PDE7A: variants seen among roughly 807,000 people sequenced by gnomAD.
PDE7A encodes the protein high affinity 3',5'-cyclic-AMP phosphodiesterase 7A.
PDE7A carries 39 observed loss-of-function variants against 64.3 expected under a neutral mutation model. That is an observed-to-expected ratio of 0.61 (90% confidence interval 0.47 to 0.79). PDE7A has a LOEUF of 0.79. Among genes scored for constraint, PDE7A ranks in the 30% least tolerant of loss-of-function variants. The probability of loss-of-function intolerance (pLI) is 0.00; values close to 1 mark genes in which losing one functional copy is unlikely to be tolerated. For missense variants in PDE7A, 470 were observed against 582.8 expected, an observed-to-expected ratio of 0.81 and a Z score of 1.99; for synonymous variants, 203 against 206.8, an observed-to-expected ratio of 0.98 and a Z score of 0.16.
At chr8:65,777,505 GATA>G (rs990751866) in intron 3 of PDE7A, among the ~76,000 whole-genome samples, 1 of 152,084 alleles carries the variant, frequency 6.6e-6, no homozygotes, top group African/African-American at 2.4e-5. Context: ...GATATAATTT[GATA>G]ATATGTTATT....
At chr8:65,747,280 C>T (rs974441984) in intron 4 of PDE7A, among the ~76,000 whole-genome samples, 1 of 152,176 alleles carries the variant, frequency 6.6e-6, no homozygotes, top group African/African-American at 2.4e-5. Flanking sequence ...ACAAGTCCCT[C>T]GTGCTCTCTT....
At chr8:65,749,269 C>G (rs1251817677) in intron 3 of PDE7A, among the ~76,000 whole-genome samples, 1 of 152,090 alleles carries the variant, frequency 6.6e-6, no homozygotes, top group East Asian at 1.9e-4. Context: ...AATAGTAATG[C>G]AAAGCATATA....
At chr8:65,825,238 A>AAGCATAC (rs1810642755) in intron 1 of PDE7A, among the ~76,000 whole-genome samples, 1 of 152,216 alleles carries the variant, frequency 6.6e-6, no homozygotes, top group African/African-American at 2.4e-5. Context: ...ATTTTATAAC[A>AAGCATAC]AGCATACATT....
At chr8:65,729,683 C>T (rs1480830819) in intron 7 of PDE7A, among the ~76,000 whole-genome samples, 2 of 151,402 alleles carry the variant, frequency 1.3e-5, no homozygotes, top group Non-Finnish European at 2.9e-5. Context: ...CTTACTCAGG[C>T]TCCTGAGCAG....
intron 12 of PDE7A, chr8:65,720,713 A>T (rs1037735928): frequency 1.3e-5 from 2 of 152,256 alleles, no homozygotes; most frequent in African/African-American, 2.4e-5. Flanking sequence ...AATAAGACAG[A>T]CAAGATCCCT....
At chr8:65,817,347 A>T (rs1336340611) in intron 1 of PDE7A, among the ~76,000 whole-genome samples, 5 of 152,232 alleles carry the variant, frequency 3.3e-5, no homozygotes, top group Admixed American at 3.3e-4. Context: ...TCTATATATA[A>T]CACATTTACA....
intron 1 of PDE7A, among the ~76,000 whole-genome samples, chr8:65,835,563 C>T (rs963791476): frequency 3.9e-5 from 6 of 152,160 alleles, no homozygotes; most frequent in African/African-American, 1.4e-4. Context: ...CAGAAAACAA[C>T]ACAATTCTCT....
intron 6 of PDE7A, among the ~76,000 whole-genome samples, 161 bp from the exon 7 acceptor site, chr8:65,735,055 A>C (rs973944885): frequency 3.3e-5 from 5 of 152,324 alleles, no homozygotes; most frequent in South Asian, 2.1e-4. Flanking sequence ...ACTCACATGT[A>C]TACCAAAAGA....
chr8:65,734,141 T>G (rs1255022220), intron 7 of PDE7A, among the ~76,000 whole-genome samples: 2 of 152,196 alleles, frequency 1.3e-5, no homozygotes, highest in African/African-American at 4.8e-5. Flanking sequence ...GCTCACTGTC[T>G]CTACAAGCCT....
intron 2 of PDE7A, among the ~76,000 whole-genome samples, chr8:65,782,484 C>T (rs372683335): frequency 6.6e-6 from 1 of 152,172 alleles, no homozygotes; most frequent in African/African-American, 2.4e-5. Flanking sequence ...GGTATTTAGC[C>T]ACTCTACAAA....
chr8:65,748,472 T>A lies in PDE7A; in HGVS notation c.284-669A>T, dbSNP rs536989954. ...GAGTCTAACATAGCCATTTTTTCCC[T>A]CTAGTGTTAGAATAAACCAGAGTTC... On this transcript the variant is annotated intron_variant, in intron 3 of 12. Coordinates refer to ENST00000401827, the MANE Select transcript of PDE7A (RefSeq NM_001242318.3). Among the ~76,000 whole-genome samples, 451 of 152,310 alleles carry A rather than the reference T, an allele frequency of 3.0e-3. 1 individual carries two copies. Among genetic ancestry groups the A allele is most frequent in the Non-Finnish European group, 4.9e-3 (330 of 68,024 alleles).
chr8:65,721,302 CAAAG>C (rs1004424152), intron 12 of PDE7A, among the ~76,000 whole-genome samples: 5 of 152,154 alleles, frequency 3.3e-5, no homozygotes, highest in African/African-American at 4.8e-5. Context: ...GTATTCCTAT[CAAAG>C]AAAGAAACTG....
At chr8:65,833,231 C>T (rs1181629715) in intron 1 of PDE7A, among the ~76,000 whole-genome samples, 1 of 152,198 alleles carries the variant, frequency 6.6e-6, no homozygotes, top group Non-Finnish European at 1.5e-5. Flanking sequence ...TGGCTAAAAT[C>T]TGAGACTTTT....
At chr8:65,739,434 G>A in intron 6 of PDE7A, 68 bp downstream of exon 6, 1 of 1,461,486 alleles carries the variant, frequency 6.8e-7, no homozygotes, top group Admixed American at 2.9e-5. Context: ...ATATAACTGA[G>A]ATAAAACTTA....
chr8:65,838,107 T>A (rs992042690), intron 1 of PDE7A, among the ~76,000 whole-genome samples: 2 of 152,124 alleles, frequency 1.3e-5, no homozygotes, highest in African/African-American at 2.4e-5. Context: ...AAACTCAAAT[T>A]TCTAACCCAT....
At chr8:65,813,796 CCT>C (rs1398671928) in intron 1 of PDE7A, among the ~76,000 whole-genome samples, 1 of 152,132 alleles carries the variant, frequency 6.6e-6, no homozygotes, top group Non-Finnish European at 1.5e-5. Flanking sequence ...TTCCTAAGGT[CCT>C]CTCTTTAATC....
chr8:65,802,954 A>G (rs936308305), intron 1 of PDE7A, among the ~76,000 whole-genome samples: 2 of 151,980 alleles, frequency 1.3e-5, no homozygotes, highest in Non-Finnish European at 2.9e-5. Context: ...CCCCCTCCCC[A>G]CACTCTCACT....
chr8:65,724,457 G>T, intron 10 of PDE7A, 106 bp from the exon 11 acceptor site: 1 of 666,936 alleles, frequency 1.5e-6, no homozygotes, highest in South Asian at 2.3e-5. Context: ...AAATAAATAA[G>T]CCAGAAATAT....
intron 1 of PDE7A, among the ~76,000 whole-genome samples, chr8:65,837,482 A>G (rs796821385): frequency 5.3e-5 from 8 of 152,346 alleles, no homozygotes; most frequent in African/African-American, 1.9e-4. Context: ...GTCTAAACAC[A>G]AAGTTCATTT....
Sources: allele counts gnomAD v4.1 joint callset (sites outside exome capture counted in the v4.1 genomes callset), GRCh38; gene constraint gnomAD v4.1.1; transcripts MANE v1.5; gene names NCBI Gene and HGNC (gene_info 2026-07-23, HGNC 2026-07-21).